Variants in NEAT1 observed in about 807,000 individuals in gnomAD.
The protein encoded by NEAT1 is nuclear paraspeckle assembly transcript 1.
chr11:65,445,238 G>A (rs1483082704), exon 1 of NEAT1: 1 of 152,288 alleles, frequency 6.6e-6, no homozygotes, highest in Non-Finnish European at 1.5e-5. Flanking sequence ...GGCCCCCTCA[G>A]TGCTCGGTCC....
exon 1 of NEAT1, chr11:65,431,562 C>T (rs1459084358): frequency 6.6e-6 from 1 of 152,164 alleles, no homozygotes; most frequent in African/African-American, 2.4e-5. Flanking sequence ...ACATCCTCCC[C>T]AACACTTGTT....
At chr11:65,440,400 G>A (rs1031045587) in exon 1 of NEAT1, 2 of 151,390 alleles carry the variant, frequency 1.3e-5, no homozygotes, top group East Asian at 1.9e-4. Context: ...GTTCAAGGCT[G>A]CAGCAAGCTT....
At chr11:65,444,976 A>G (rs1075692) in exon 1 of NEAT1, 29,112 of 175,078 alleles carry the variant, frequency 0.17, 2,692 homozygotes, top group Non-Finnish European at 0.21. Flanking sequence ...CAGGTCTTAG[A>G]TTCCCTGTTC....
At chr11:65,431,419 T>G (rs928039740) in exon 1 of NEAT1, 1 of 152,204 alleles carries the variant, frequency 6.6e-6, no homozygotes, top group Non-Finnish European at 1.5e-5. Flanking sequence ...CTTTTGAGTA[T>G]ATAGCCAGAA....
At chr11:65,439,918 C>T (rs1158582596) in exon 1 of NEAT1, 1 of 152,068 alleles carries the variant, frequency 6.6e-6, no homozygotes, top group African/African-American at 2.4e-5. Context: ...GCTAGATGTG[C>T]TGGATCATGG....
chr11:65,436,919 C>A (rs1001716679), exon 1 of NEAT1: 1 of 152,008 alleles, frequency 6.6e-6, no homozygotes, highest in Non-Finnish European at 1.5e-5. Context: ...ATGATGGACA[C>A]CCCCAGCTTC....
At chr11:65,435,061 A>G (rs897698232) in exon 1 of NEAT1, 7 of 152,170 alleles carry the variant, frequency 4.6e-5, no homozygotes, top group African/African-American at 1.7e-4. Context: ...AGTGCTCTGC[A>G]CCCAGGTCAC....
chr11:65,433,697 ATTTTC>A (rs903758707), exon 1 of NEAT1: 1 of 148,812 alleles, frequency 6.7e-6, no homozygotes, highest in Non-Finnish European at 1.5e-5. Flanking sequence ...ACTTCTTATA[ATTTTC>A]TTTTTTTTTC....
chr11:65,433,062 T>TATTCCATG (rs923702185), exon 1 of NEAT1: 5 of 151,994 alleles, frequency 3.3e-5, no homozygotes, highest in Admixed American at 1.3e-4. Context: ...TGCTAAGTCA[T>TATTCCATG]ATTCCATGGT....
At chr11:65,428,835 A>T (rs1445090478) in exon 1 of NEAT1, 2 of 144,072 alleles carry the variant, frequency 1.4e-5, no homozygotes, top group South Asian at 2.1e-4. Context: ...TCTAATATGT[A>T]AAAAAAAAAA....
chr11:65,426,565 C>G (rs561356779), exon 1 of NEAT1: 13 of 152,302 alleles, frequency 8.5e-5, no homozygotes, highest in African/African-American at 2.6e-4. Context: ...TTCTCGACCC[C>G]TATCACATTG....
exon 1 of NEAT1, chr11:65,422,802 T>A (rs1190375579): frequency 6.5e-6 from 1 of 152,706 alleles, no homozygotes; most frequent in East Asian, 1.9e-4. Context: ...CCAGCCGGAG[T>A]TAGCGACAGG....
exon 1 of NEAT1, chr11:65,438,852 G>C (rs1402685387): frequency 6.6e-6 from 1 of 152,206 alleles, no homozygotes; most frequent in African/African-American, 2.4e-5. Flanking sequence ...GCTATGAACA[G>C]TTGCGTACAA....
chr11:65,435,552 T>C (rs1049520444), exon 1 of NEAT1: 2 of 152,196 alleles, frequency 1.3e-5, no homozygotes, highest in Admixed American at 1.3e-4. Flanking sequence ...GGATCTCTTT[T>C]GCATCCCTCT....
At chr11:65,444,072 C>G (rs1856741024) in exon 1 of NEAT1, 1 of 200,428 alleles carries the variant, frequency 5.0e-6, no homozygotes, top group African/African-American at 2.4e-5. Flanking sequence ...AAGTAAGTGC[C>G]CGCACCATAG....
exon 1 of NEAT1, chr11:65,423,938 C>T (rs1201214580): frequency 6.6e-6 from 1 of 152,318 alleles, no homozygotes; most frequent in African/African-American, 2.4e-5. Context: ...AAAAATGCTT[C>T]ATGGACCGTG....
chr11:65,429,012 G>A (rs935733764), exon 1 of NEAT1: 10 of 152,066 alleles, frequency 6.6e-5, no homozygotes, highest in African/African-American at 2.4e-4. Context: ...TCTATTTTGT[G>A]ACTTTAATAT....
At chr11:65,438,377 T>C (rs1424415103) in exon 1 of NEAT1, 2 of 152,234 alleles carry the variant, frequency 1.3e-5, no homozygotes, top group African/African-American at 4.8e-5. Context: ...TTATTTTTCC[T>C]TCTAAATATT....
At chr11:65,441,907 GGT>G (rs1251082600) in exon 1 of NEAT1, 1 of 152,236 alleles carries the variant, frequency 6.6e-6, no homozygotes, top group African/African-American at 2.4e-5. Context: ...CACAGTCGAG[GGT>G]GTGAGGCAGT....
Sources: allele counts gnomAD v4.1 joint callset, GRCh38; gene constraint gnomAD v4.1.1; transcripts MANE v1.5; gene names NCBI Gene and HGNC (gene_info 2026-07-23, HGNC 2026-07-21).